UTP20: variants seen among roughly 807,000 people sequenced by gnomAD.
UTP20 encodes the protein UTP20 small subunit processome component.
Under a neutral mutation model 329.5 loss-of-function variants are expected in UTP20, and 164 were observed. That is an observed-to-expected ratio of 0.50 (90% CI 0.44 to 0.57). UTP20 has a LOEUF of 0.57. Among genes scored for constraint, UTP20 ranks in the 20% least tolerant of loss-of-function variants. The probability of loss-of-function intolerance (pLI) is 0.00; values close to 1 mark genes in which losing one functional copy is unlikely to be tolerated. For synonymous variants in UTP20, 1,151 were observed against 1,159.3 expected (o/e 0.99, Z 0.14); for missense variants, 3,055 against 3,284.2 (o/e 0.93, Z 1.71).
chr12:101,331,313 T>C (rs543248567), intron 27 of UTP20, among the ~76,000 whole-genome samples: 2 of 152,320 alleles, frequency 1.3e-5, no homozygotes, highest in African/African-American at 4.8e-5. Context: ...CTATTTGATA[T>C]CATGTTTGCA....
chr12:101,376,043 C>T (rs1327010308), intron 56 of UTP20, among the ~76,000 whole-genome samples: 1 of 152,088 alleles, frequency 6.6e-6, no homozygotes, highest in Non-Finnish European at 1.5e-5. Context: ...TATTTTCCCT[C>T]AGGTACAACT....
At chr12:101,314,202 G>A (rs1489014998) in intron 21 of UTP20, among the ~76,000 whole-genome samples, 1 of 152,188 alleles carries the variant, frequency 6.6e-6, no homozygotes, top group Non-Finnish European at 1.5e-5. Context: ...CAAGTGAAGA[G>A]ACTAAAGGCG....
chr12:101,288,374 C>T (rs536337852), intron 5 of UTP20, among the ~76,000 whole-genome samples: 15 of 152,192 alleles, frequency 9.9e-5, no homozygotes, highest in Non-Finnish European at 2.1e-4. Context: ...TGCATGGCTG[C>T]TTGACCTTGA....
chr12:101,342,756 C>T, intron 33 of UTP20, 31 bp from the exon 34 acceptor site: 2 of 1,602,058 alleles, frequency 1.2e-6, no homozygotes, highest in Non-Finnish European at 1.7e-6. Context: ...GTTTTATTCA[C>T]TGATAAATAC....
At chr12:101,337,912 A>G in intron 29 of UTP20, 139 bp from the exon 30 acceptor site, 2 of 770,232 alleles carry the variant, frequency 2.6e-6, no homozygotes. Context: ...ATCAAATTTT[A>G]GATTTAAACT....
chr12:101,325,891 T>C (rs1868536172), intron 25 of UTP20, among the ~76,000 whole-genome samples: 1 of 152,234 alleles, frequency 6.6e-6, no homozygotes, highest in Non-Finnish European at 1.5e-5. Context: ...TCCCAATGCT[T>C]AAAGACTTTT....
In UTP20 at chr12:101,340,748, A is replaced by T. The variant is rs1365629861; in HGVS notation, c.4101+138A>T. On this transcript the variant is annotated intron_variant, in intron 32 of 61. Transcript: ENST00000261637. ...ACTTAAAATACTTTATATAGAAATT[A>T]AAAAAATTAGAAATAGAGGGAAAAG... 41 of 608,902 alleles carry T rather than the reference A, an allele frequency of 6.7e-5. 1 individual carries two copies. Among genetic ancestry groups the T allele is most frequent in the Non-Finnish European group, 8.3e-5 (29 of 350,894 alleles). The allele number at this position is 608,902 out of a possible 1,614,324, so 37.7% of individuals were successfully genotyped here.
chr12:101,371,394 G>A (rs2121030726), intron 51 of UTP20, among the ~76,000 whole-genome samples: 1 of 152,188 alleles, frequency 6.6e-6, no homozygotes, highest in South Asian at 2.1e-4. Context: ...AAGGTGAGGG[G>A]GCAGTAGAGG....
chr12:101,317,881 T>C (rs1873026566), intron 22 of UTP20, among the ~76,000 whole-genome samples: 2 of 152,228 alleles, frequency 1.3e-5, no homozygotes, highest in South Asian at 4.1e-4. Flanking sequence ...TAATGTTAGA[T>C]TGGGGGACTT....
At chr12:101,354,081 C>T (rs1467425138) in intron 40 of UTP20, among the ~76,000 whole-genome samples, 2 of 151,610 alleles carry the variant, frequency 1.3e-5, no homozygotes, top group Admixed American at 6.6e-5. Flanking sequence ...GTCAACATAG[C>T]GAAACCCTGT....
Position 101,366,543 on chromosome 12 carries a change from C to G in UTP20, c.6126-15C>G, listed in dbSNP as rs371442613. On this transcript the variant is annotated splice_polypyrimidine_tract_variant and intron_variant, in intron 46 of 61. Transcript: ENST00000261637. Reference sequence around the variant, plus strand: ...CAGTGTTCTTTACCCTCTTCTCATGCCACGTGATTGACAGAAATCCAGTAG... The same window carrying G: ...CAGTGTTCTTTACCCTCTTCTCATGGCACGTGATTGACAGAAATCCAGTAG... The G allele has an allele frequency of 5.8e-5, 93 of 1,607,024 alleles. 3 individuals are homozygous for G. The South Asian group carries it at 6.5e-4, about 11-fold the overall frequency.
At chr12:101,353,512 C>T (rs1332756619) in intron 40 of UTP20, among the ~76,000 whole-genome samples, 2 of 152,016 alleles carry the variant, frequency 1.3e-5, no homozygotes, top group Admixed American at 6.6e-5. Context: ...AAAAGATCAA[C>T]AAAGCTAAAA....
chr12:101,300,674 ATTTAATATT>A (rs978860281), intron 14 of UTP20, among the ~76,000 whole-genome samples: 1 of 152,224 alleles, frequency 6.6e-6, no homozygotes, highest in Non-Finnish European at 1.5e-5. Flanking sequence ...AAAAGCAGTT[ATTTAATATT>A]TTGTTTTATT....
chr12:101,336,044 G>A (rs1396267642), intron 29 of UTP20, among the ~76,000 whole-genome samples: 1 of 152,184 alleles, frequency 6.6e-6, no homozygotes, highest in East Asian at 1.9e-4. Flanking sequence ...GAGCCACATT[G>A]TTGGATGCCA....
chr12:101,367,268 T>C (rs182253139), intron 47 of UTP20, among the ~76,000 whole-genome samples: 1 of 152,050 alleles, frequency 6.6e-6, no homozygotes, highest in Non-Finnish European at 1.5e-5. Flanking sequence ...ATGGACAATA[T>C]AGTGAGACCC....
At chr12:101,305,604 A>T (rs1872624537) in intron 15 of UTP20, among the ~76,000 whole-genome samples, 2 of 137,336 alleles carry the variant, frequency 1.5e-5, no homozygotes, top group Non-Finnish European at 1.5e-5. Flanking sequence ...AAATTAAATA[A>T]TAAATATTAT....
intron 5 of UTP20, 58 bp downstream of exon 5, chr12:101,286,567 T>A: frequency 7.2e-7 from 1 of 1,391,154 alleles, no homozygotes; most frequent in Non-Finnish European, 9.5e-7. Flanking sequence ...TTCCCTGGCT[T>A]CTTTATGACT....
intron 2 of UTP20, among the ~76,000 whole-genome samples, chr12:101,281,425 A>G (rs1436030094): frequency 6.6e-6 from 1 of 152,206 alleles, no homozygotes; most frequent in Non-Finnish European, 1.5e-5. Context: ...ATAGAATTGG[A>G]ACATTTTCAT....
intron 14 of UTP20, among the ~76,000 whole-genome samples, chr12:101,301,337 T>C (rs1327767826): frequency 5.1e-5 from 6 of 117,016 alleles, no homozygotes; most frequent in Admixed American, 9.4e-5. Context: ...TTGGGACACA[T>C]AGTGAGAGCC....
Sources: gnomAD v4.1 joint callset for allele counts (sites outside exome capture counted in the v4.1 genomes callset) on GRCh38, gnomAD v4.1.1 for gene constraint, MANE v1.5 for transcripts, NCBI Gene and HGNC (gene_info 2026-07-23, HGNC 2026-07-21) for gene names.